Variants in TMED3 observed in about 807,000 individuals in gnomAD.
The protein encoded by TMED3 is transmembrane emp24 domain-containing protein 3.
In TMED3, 9 loss-of-function variants were observed where a neutral mutation model predicts 15.0. The ratio of observed to expected loss-of-function variants is 0.60; its 90% CI spans 0.36 to 1.04. The LOEUF (loss-of-function observed/expected upper bound fraction) is 1.04. TMED3 is among the 50% of genes least tolerant of loss of function. The pLI is 0.01. For synonymous variants in TMED3, 117 were observed against 121.4 expected (o/e 0.96, Z 0.24); for missense variants, 267 against 278.9 (o/e 0.96, Z 0.30).
At chr15:79,370,291 T>G (rs1243327408) in intron 2 of TMED3, among the ~76,000 whole-genome samples, 1 of 141,246 alleles carries the variant, frequency 7.1e-6, no homozygotes, top group Non-Finnish European at 1.5e-5. Context: ...TGTATTTTTT[T>G]GCAATAGCAG....
chr15:79,387,008 A>G (rs981900842), intron 2 of TMED3, among the ~76,000 whole-genome samples: 1 of 148,166 alleles, frequency 6.7e-6, no homozygotes, highest in East Asian at 2.0e-4. Context: ...GGCTCACTGC[A>G]GCCTTGAATC....
chr15:79,399,024 C>T (rs1893799337), intron 2 of TMED3, among the ~76,000 whole-genome samples: 1 of 152,164 alleles, frequency 6.6e-6, no homozygotes, highest in Admixed American at 6.5e-5. Flanking sequence ...GATTCTCATG[C>T]CTCAGCCTCC....
intron 2 of TMED3, among the ~76,000 whole-genome samples, chr15:79,378,427 A>C (rs945939603): frequency 8.5e-5 from 13 of 152,110 alleles, no homozygotes; most frequent in Admixed American, 7.9e-4. Context: ...GCCTCTTTTG[A>C]TTTTATGGCT....
chr15:79,356,682 G>A (rs777357857), intron 2 of TMED3, among the ~76,000 whole-genome samples: 7 of 152,158 alleles, frequency 4.6e-5, no homozygotes, highest in East Asian at 3.9e-4. Flanking sequence ...ACGCAAGGGG[G>A]TCAGAGCAGC....
Position 79,322,792 on chromosome 15 carries a change from GT to G in TMED3, c.*579del. ...TGGTGAGCTGTGTATTTCCTAGGAGGTAGAAAACTGTGGGAAACTGTGGCTA... is the reference window on the plus strand; with the variant it reads ...TGGTGAGCTGTGTATTTCCTAGGAGGAGAAAACTGTGGGAAACTGTGGCTA... On this transcript the variant is annotated 3_prime_UTR_variant, in exon 3 of 3. Transcript: ENST00000299705. 1.0e-6 allele frequency: 1 copy of G among 985,494 alleles called. No individual in the cohort carries two copies. Among genetic ancestry groups the G allele is most frequent in the Non-Finnish European group, 1.2e-6 (1 of 830,050 alleles). The allele number at this position is 985,494 out of a possible 1,614,324, so 61.0% of individuals were successfully genotyped here.
At chr15:79,364,480 C>T (rs1052926137) in intron 2 of TMED3, among the ~76,000 whole-genome samples, 3 of 151,874 alleles carry the variant, frequency 2.0e-5, no homozygotes, top group South Asian at 2.1e-4. Context: ...CAGCAAAGGC[C>T]CCACCCCTCG....
At chr15:79,330,837 A>AT (rs1455435158) in intron 2 of TMED3, among the ~76,000 whole-genome samples, 1 of 152,220 alleles carries the variant, frequency 6.6e-6, no homozygotes, top group Non-Finnish European at 1.5e-5. Flanking sequence ...AAACAGACAC[A>AT]TAGATCAAGA....
At chr15:79,405,591 G>A (rs116013860) in intron 2 of TMED3, among the ~76,000 whole-genome samples, 12 of 152,290 alleles carry the variant, frequency 7.9e-5, no homozygotes, top group Non-Finnish European at 1.3e-4. Flanking sequence ...GAATAACCTG[G>A]CAAGTCTCCG....
downstream of TMED3, among the ~76,000 whole-genome samples, chr15:79,325,506 A>G (rs1333985217): frequency 6.6e-6 from 1 of 152,230 alleles, no homozygotes; most frequent in Non-Finnish European, 1.5e-5. Flanking sequence ...GTGTTATATA[A>G]AATGAACACG....
At chr15:79,400,921 C>T (rs1220391276) in intron 2 of TMED3, among the ~76,000 whole-genome samples, 1 of 152,162 alleles carries the variant, frequency 6.6e-6, no homozygotes, top group Non-Finnish European at 1.5e-5. Flanking sequence ...TTTAAGCTGG[C>T]CTGCTAAGGT....
chr15:79,365,989 G>T (rs936737989), intron 2 of TMED3, among the ~76,000 whole-genome samples: 2 of 152,170 alleles, frequency 1.3e-5, no homozygotes, highest in Non-Finnish European at 2.9e-5. Context: ...GAGTCAGGCT[G>T]GCAGGACCAG....
intron 2 of TMED3, among the ~76,000 whole-genome samples, chr15:79,345,054 C>T (rs1027995826): frequency 3.9e-5 from 6 of 152,112 alleles, no homozygotes; most frequent in Non-Finnish European, 5.9e-5. Context: ...AGCTACCAAT[C>T]AGGAAGAAGA....
At chr15:79,362,792 C>T (rs1281105224) in intron 2 of TMED3, among the ~76,000 whole-genome samples, 1 of 152,206 alleles carries the variant, frequency 6.6e-6, no homozygotes, top group African/African-American at 2.4e-5. Flanking sequence ...CTGTCTTCTG[C>T]CATGATTGTG....
chr15:79,392,224 T>C (rs1191954733), intron 2 of TMED3, among the ~76,000 whole-genome samples: 16 of 152,146 alleles, frequency 1.1e-4, no homozygotes, highest in Admixed American at 1.0e-3. Context: ...TTTAAAGAGG[T>C]TCTGTTTTGA....
intron 2 of TMED3, among the ~76,000 whole-genome samples, chr15:79,403,806 C>G (rs1002259360): frequency 2.0e-5 from 3 of 152,100 alleles, no homozygotes; most frequent in Non-Finnish European, 4.4e-5. Flanking sequence ...ACATATTTTG[C>G]GAGAAAGTCA....
At chr15:79,364,908 G>C (rs1476201269) in intron 2 of TMED3, among the ~76,000 whole-genome samples, 1 of 152,212 alleles carries the variant, frequency 6.6e-6, no homozygotes, top group Non-Finnish European at 1.5e-5. Context: ...AAGAGCTTGG[G>C]ATACAGAAAG....
chr15:79,330,657 T>C (rs567226799), intron 2 of TMED3, among the ~76,000 whole-genome samples: 4 of 152,304 alleles, frequency 2.6e-5, no homozygotes, highest in African/African-American at 9.6e-5. Context: ...ACTCATTATA[T>C]TTTTCTCAGA....
At position 79,367,380 on chromosome 15, in the gene TMED3, A is replaced by G. The variant is rs1355688312; in HGVS notation, c.418-44020A>G. 2.6e-5 allele frequency among the ~76,000 whole-genome samples: 4 copies of G among 152,192 alleles called. No homozygotes were observed. The East Asian group carries it at 7.7e-4, about 29-fold the overall frequency. ...TGCAGTGGGAGAAAGGGAGGTTTTT[A>G]TTTGTAGGGCACAAAGCAAGGAAGA... is the stretch of plus-strand genomic sequence containing the variant. On this transcript the variant is annotated intron_variant, in intron 2 of 2. Coordinates refer to the TMED3 transcript ENST00000424155.
chr15:79,348,985 C>T (rs1008599221), intron 2 of TMED3, among the ~76,000 whole-genome samples: 1 of 152,120 alleles, frequency 6.6e-6, no homozygotes, highest in East Asian at 1.9e-4. Context: ...ACTACAGGTG[C>T]ACACCACCAT....
Sources: gnomAD v4.1 joint callset for allele counts (sites outside exome capture counted in the v4.1 genomes callset) on GRCh38, gnomAD v4.1.1 for gene constraint, MANE v1.5 for transcripts, NCBI Gene and HGNC (gene_info 2026-07-23, HGNC 2026-07-21) for gene names.